EFCAB9: variants seen among roughly 807,000 people sequenced by gnomAD.
The protein encoded by EFCAB9 is EF-hand calcium-binding domain-containing protein 9.
Under a neutral mutation model 15.6 loss-of-function variants are expected in EFCAB9, and 16 were observed. The observed-to-expected ratio is 1.03, with a 90% CI of 0.69 to 1.56. The LOEUF is 1.56. Ranked by LOEUF, EFCAB9 falls within the 40% of genes most tolerant of loss-of-function variation. The pLI is 0.00. For missense variants in EFCAB9, 208 were observed against 235.4 expected, an observed-to-expected ratio of 0.88 and a Z score of 0.76; for synonymous variants, 76 against 85.4, an observed-to-expected ratio of 0.89 and a Z score of 0.61.
intron 3 of EFCAB9, 147 bp downstream of exon 3, chr5:172,200,889 GA>G (rs1416280906): frequency 8.6e-6 from 7 of 809,482 alleles, no homozygotes; most frequent in African/African-American, 1.8e-5. Context: ...ACAAGGATCA[GA>G]AAAAAACTTA....
intron 1 of EFCAB9, among the ~76,000 whole-genome samples, chr5:172,197,943 T>C (rs1242916048): frequency 2.0e-5 from 3 of 152,136 alleles, no homozygotes; most frequent in Non-Finnish European, 4.4e-5. Context: ...TTACAATCCT[T>C]TAGTTAGACA....
intron 1 of EFCAB9, among the ~76,000 whole-genome samples, chr5:172,197,156 G>T (rs1480885125): frequency 1.3e-5 from 2 of 151,184 alleles, no homozygotes; most frequent in African/African-American, 4.9e-5. Context: ...TGCCCAGGCT[G>T]GAGTGCAATG....
intron 2 of EFCAB9, among the ~76,000 whole-genome samples, chr5:172,199,742 C>T (rs1055130354): frequency 6.6e-6 from 1 of 152,076 alleles, no homozygotes; most frequent in Non-Finnish European, 1.5e-5. Flanking sequence ...TGCCCACCCT[C>T]GTAAAGGACA....
chr5:172,195,027 T>C (rs1428096051), intron 1 of EFCAB9, among the ~76,000 whole-genome samples: 2 of 152,124 alleles, frequency 1.3e-5, no homozygotes, highest in South Asian at 2.1e-4. Context: ...TTATTATTCT[T>C]GGGAGCTGAG....
chr5:172,194,779 G>A (rs539097506), intron 1 of EFCAB9, among the ~76,000 whole-genome samples: 2 of 152,174 alleles, frequency 1.3e-5, no homozygotes, highest in African/African-American at 2.4e-5. Flanking sequence ...CAGTTCAGCC[G>A]GGAGGAGAAA....
intron 1 of EFCAB9, among the ~76,000 whole-genome samples, chr5:172,198,877 C>G (rs1219124949): frequency 6.6e-6 from 1 of 152,168 alleles, no homozygotes; most frequent in Non-Finnish European, 1.5e-5. Context: ...GCCTCCCAAA[C>G]TGCTGGGATT....
chr5:172,195,526 A>G (rs1442496719), intron 1 of EFCAB9, among the ~76,000 whole-genome samples: 1 of 152,200 alleles, frequency 6.6e-6, no homozygotes, highest in East Asian at 1.9e-4. Context: ...CCTAGTTGTA[A>G]ATAAAAGGCT....
chr5:172,199,552 T>C, intron 2 of EFCAB9, 21 bp downstream of exon 2: 1 of 1,536,330 alleles, frequency 6.5e-7, no homozygotes, highest in South Asian at 1.2e-5. Context: ...GCGCGGCTGC[T>C]GCCATCCTCT....
chr5:172,194,681 G>A (rs972865693), intron 1 of EFCAB9, among the ~76,000 whole-genome samples: 15 of 152,162 alleles, frequency 9.9e-5, no homozygotes, highest in Admixed American at 2.0e-4. Flanking sequence ...TTACAAGTGT[G>A]AGCTACCACA....
chr5:172,194,230 T>C lies in EFCAB9; in HGVS notation c.58T>C (p.Leu20=). ...CCTCTATCTGGACAAAATATACTGC[T>C]TATTATCCGTGAGAAACGTGAAGGC... ...WYLYLDKIYC[L]LSVRNVKALA... is the part of the protein sequence containing the mutation. Residue 20 remains leucine, a synonymous_variant, in exon 1 of 4, where the codon TTA becomes CTA. Coordinates refer to ENST00000398186, the MANE Select transcript of EFCAB9 (RefSeq NM_001171183.2). 1.3e-6 allele frequency: 2 copies of C among 1,537,758 alleles called. No individual in the cohort carries two copies. Among genetic ancestry groups the C allele is most frequent in the Non-Finnish European group, 1.7e-6 (2 of 1,147,040 alleles).
At chr5:172,194,341 C>T (rs1771120887) in intron 1 of EFCAB9, 33 bp downstream of exon 1, 2 of 1,532,654 alleles carry the variant, frequency 1.3e-6, no homozygotes, top group African/African-American at 1.4e-5. Context: ...CCTCTGGGTC[C>T]TTACCTGGGT....
At position 172,199,495 on chromosome 5, in the gene EFCAB9, G is replaced by A; in HGVS notation, c.249G>A (p.Lys83=). 6.5e-7 allele frequency: 1 copy of A among 1,537,352 alleles called. No homozygotes were observed. The highest frequency in any genetic ancestry group is 8.7e-7 in the Non-Finnish European group (1 of 1,146,928). The change falls in exon 2 of 4, where the codon AAG becomes AAA. Residue 83 remains lysine, a synonymous_variant. Transcript: ENST00000398186. ...WNAVGEIDFE[K]FYMLVCMLLA... ...CTGTGGGCGAGATCGACTTTGAGAA[G>A]TTCTACATGCTGGTGTGCATGCTGC...
chr5:172,200,846 G>C, intron 3 of EFCAB9, 104 bp downstream of exon 3: 1 of 1,163,866 alleles, frequency 8.6e-7, no homozygotes, highest in Non-Finnish European at 1.2e-6. Flanking sequence ...AGGAGGGAGG[G>C]AAAAACCTAC....
chr5:172,202,272 C>T (rs1397711923), intron 3 of EFCAB9, among the ~76,000 whole-genome samples: 9 of 128,032 alleles, frequency 7.0e-5, no homozygotes, highest in Non-Finnish European at 1.4e-4. Context: ...ACCTAGGAGG[C>T]GGAGCTTGCA....
At chr5:172,202,590 C>A (rs1771274357) in intron 3 of EFCAB9, among the ~76,000 whole-genome samples, 1 of 151,988 alleles carries the variant, frequency 6.6e-6, no homozygotes, top group African/African-American at 2.4e-5. Context: ...CGCTTGTAAG[C>A]CCAGTTACTC....
chr5:172,194,254 G>T lies in EFCAB9; in HGVS notation c.82G>T (p.Ala28Ser). 2 of 1,537,860 alleles carry T rather than the reference G, an allele frequency of 1.3e-6. No individual in the cohort carries two copies. The highest frequency in any genetic ancestry group is 1.7e-4 in the Middle Eastern group (1 of 5,996). ...CTTATTATCCGTGAGAAACGTGAAGGCTTTGGCAGAATATTTTCATATTCT... is the reference window on the plus strand; with the variant it reads ...CTTATTATCCGTGAGAAACGTGAAGTCTTTGGCAGAATATTTTCATATTCT... ...YCLLSVRNVK[A>S]LAEYFHILDV... The change falls in exon 1 of 4, where the codon GCT becomes TCT. Residue 28 changes from alanine (A) to serine (S), a missense_variant. Coordinates refer to ENST00000398186, the MANE Select transcript of EFCAB9 (RefSeq NM_001171183.2).
At chr5:172,199,264 C>A in intron 1 of EFCAB9, 119 bp from the exon 2 acceptor site, 2 of 1,233,496 alleles carry the variant, frequency 1.6e-6, no homozygotes, top group Non-Finnish European at 2.2e-6. Flanking sequence ...AAAATATTAT[C>A]ATCATTCTTC....
rs1771286946 is a variant in EFCAB9 at position 172,203,201 on chromosome 5, ACCCT to A, written c.463-12_463-9del. Reference sequence around the variant, plus strand: ...CTGAAATAATTTTTCTTTCCCCCCCACCCTAACCAAAGCGTCTTAATTATCAGGA... The same window carrying A: ...CTGAAATAATTTTTCTTTCCCCCCCAAACCAAAGCGTCTTAATTATCAGGA... On this transcript the variant is annotated splice_polypyrimidine_tract_variant and intron_variant, in intron 3 of 3. Coordinates refer to ENST00000398186, the MANE Select transcript of EFCAB9 (RefSeq NM_001171183.2). 2 of 160,240 alleles carry A rather than the reference ACCCT, an allele frequency of 1.2e-5. No individual in the cohort carries two copies. Among genetic ancestry groups the A allele is most frequent in the South Asian group, 5.6e-5 (1 of 17,892 alleles). 9.9% of individuals were successfully genotyped at this position (160,240 alleles called of 1,614,324 possible).
chr5:172,197,761 G>A (rs914437293), intron 1 of EFCAB9, among the ~76,000 whole-genome samples: 1 of 152,132 alleles, frequency 6.6e-6, no homozygotes, highest in Non-Finnish European at 1.5e-5. Context: ...GATTTATTGT[G>A]AAGAGTAAAA....
Sources: allele counts gnomAD v4.1 joint callset (sites outside exome capture counted in the v4.1 genomes callset), GRCh38; gene constraint gnomAD v4.1.1; transcripts MANE v1.5; gene names NCBI Gene and HGNC (gene_info 2026-07-23, HGNC 2026-07-21).